The following GDPD4 variants were observed in gnomAD, a reference collection of about 807,000 sequenced individuals.
GDPD4 encodes the protein glycerophosphodiester phosphodiesterase 6.
In GDPD4, 60 loss-of-function variants were observed where a neutral mutation model predicts 67.8. The ratio of observed to expected loss-of-function variants is 0.88; its 90% CI spans 0.72 to 1.10. The LOEUF (loss-of-function observed/expected upper bound fraction) is 1.10, where lower values mean the gene tolerates loss of function less well. Among genes scored for constraint, GDPD4 ranks in the 50% least tolerant of loss-of-function variants. GDPD4 has a pLI of 0.00. For missense variants in GDPD4, 623 were observed against 613.9 expected (o/e 1.01, Z -0.16); for synonymous variants, 212 against 210.9 (o/e 1.00, Z -0.04).
intron 1 of GDPD4, among the ~76,000 whole-genome samples, chr11:77,297,536 A>AG (rs1184700364): frequency 2.0e-5 from 3 of 149,410 alleles, no homozygotes; most frequent in African/African-American, 4.9e-5. Context: ...ACTCCGTCTC[A>AG]GAAAAAAAAA....
At chr11:77,224,939 C>CTT (rs200235129) in intron 16 of GDPD4, among the ~76,000 whole-genome samples, 1 of 143,404 alleles carries the variant, frequency 7.0e-6, no homozygotes. Flanking sequence ...CCATCTCTAC[C>CTT]TTTTTTTTTT....
At chr11:77,256,380 A>G (rs1959004500) in intron 11 of GDPD4, among the ~76,000 whole-genome samples, 1 of 152,240 alleles carries the variant, frequency 6.6e-6, no homozygotes, top group Non-Finnish European at 1.5e-5. Flanking sequence ...CTAGAATATC[A>G]GAGTAATCAC....
intron 3 of GDPD4, among the ~76,000 whole-genome samples, chr11:77,279,770 C>T (rs1256376862): frequency 6.6e-6 from 1 of 151,986 alleles, no homozygotes; most frequent in Non-Finnish European, 1.5e-5. Context: ...TTGGCAGGCT[C>T]CTTGTCCACA....
chr11:77,225,973 A>G (rs779438976), intron 16 of GDPD4, among the ~76,000 whole-genome samples: 1 of 152,062 alleles, frequency 6.6e-6, no homozygotes, highest in Non-Finnish European at 1.5e-5. Flanking sequence ...ATAGCTTTCC[A>G]ATGCCTTTTC....
intron 12 of GDPD4, among the ~76,000 whole-genome samples, chr11:77,244,339 A>G (rs1958737837): frequency 6.6e-6 from 1 of 152,062 alleles, no homozygotes; most frequent in Non-Finnish European, 1.5e-5. Context: ...GCCCTGGGCT[A>G]GTATCTTCTA....
chr11:77,277,565 G>A (rs1219012448), intron 4 of GDPD4, among the ~76,000 whole-genome samples: 1 of 151,240 alleles, frequency 6.6e-6, no homozygotes, highest in Non-Finnish European at 1.5e-5. Context: ...ACCACGCCTG[G>A]CTAATTTTTT....
In GDPD4 at chr11:77,285,075, T is replaced by C; in HGVS notation, c.53+10A>G. On this transcript the variant is annotated intron_variant, in intron 3 of 16. Transcript: ENST00000315938. ...CTTACACAAATGAAACTACAAAAAG[T>C]GAAACTCACCAGTCAAAGTTAAAGT... The C allele has an allele frequency of 1.9e-6, 3 of 1,600,930 alleles. No individual in the cohort carries two copies. The highest frequency in any genetic ancestry group is 3.3e-4 in the Middle Eastern group (2 of 6,040).
intron 10 of GDPD4, among the ~76,000 whole-genome samples, chr11:77,267,105 C>A (rs1959181587): frequency 6.6e-6 from 1 of 152,106 alleles, no homozygotes; most frequent in Non-Finnish European, 1.5e-5. Context: ...GTTATTTTTA[C>A]CGTACTTTTC....
intron 2 of GDPD4, 155 bp downstream of exon 2, chr11:77,287,063 C>A (rs1960023619): frequency 6.6e-6 from 1 of 152,222 alleles, no homozygotes; most frequent in South Asian, 2.1e-4. Flanking sequence ...GTACATGTTT[C>A]AGTAAGTTTA....
chr11:77,274,662 T>C (rs1204525482), intron 5 of GDPD4, among the ~76,000 whole-genome samples: 1 of 152,222 alleles, frequency 6.6e-6, no homozygotes, highest in Non-Finnish European at 1.5e-5. Flanking sequence ...CCTCTTTTCT[T>C]TATAAATTAC....
chr11:77,290,145 C>T (rs1937725394), intron 1 of GDPD4, among the ~76,000 whole-genome samples: 1 of 152,140 alleles, frequency 6.6e-6, no homozygotes, highest in South Asian at 2.1e-4. Context: ...ATTCCAAAAA[C>T]AGCAAGAGAA....
At chr11:77,289,802 A>G (rs1179755749) in intron 1 of GDPD4, among the ~76,000 whole-genome samples, 2 of 105,760 alleles carry the variant, frequency 1.9e-5, no homozygotes, top group African/African-American at 3.4e-5. Context: ...AGAGAGAGAG[A>G]AGGAGGGAGG....
intron 5 of GDPD4, among the ~76,000 whole-genome samples, chr11:77,273,132 A>T (rs1221000534): frequency 6.6e-6 from 1 of 152,194 alleles, no homozygotes; most frequent in East Asian, 1.9e-4. Flanking sequence ...TGTGTTTACC[A>T]GGAGGTCAGG....
At chr11:77,269,761 G>C (rs957534198) in intron 8 of GDPD4, 122 bp downstream of exon 8, 8 of 603,662 alleles carry the variant, frequency 1.3e-5, no homozygotes, top group Non-Finnish European at 2.4e-5. Flanking sequence ...CACAATGCCT[G>C]CGATAACCAG....
chr11:77,255,019 C>T (rs563414553), intron 11 of GDPD4, among the ~76,000 whole-genome samples: 3 of 152,214 alleles, frequency 2.0e-5, no homozygotes, highest in South Asian at 2.1e-4. Flanking sequence ...GAAAGCTCCA[C>T]GATCAAACCT....
At chr11:77,235,009 G>GTTTTTTTGTTTTT (rs1958525203) in intron 13 of GDPD4, among the ~76,000 whole-genome samples, 1 of 52,254 alleles carries the variant, frequency 1.9e-5, no homozygotes, top group Non-Finnish European at 3.7e-5. Context: ...GTCAATATCT[G>GTTTTTTTGTTTTT]TTTTTTTTTT....
At position 77,243,816 on chromosome 11, in the gene GDPD4, G is replaced by A. The variant is rs139949435; in HGVS notation, c.1119C>T (p.Tyr373=). The change falls in exon 13 of 17, where the codon TAC becomes TAT. Residue 373 remains tyrosine, a synonymous_variant. Transcript: ENST00000315938. The stretch of plus-strand genomic sequence containing the variant: ...GAAAACCAGGAGCCACGGACCTGAC[G>A]TATTGCCTATCATGAGCTGGCAACC... The part of the protein sequence containing the change: ...IFWLPAHDRQ[Y]VRSVAPGFQH... The A allele has an allele frequency of 7.6e-5, 123 of 1,613,570 alleles. No individual in the cohort carries two copies. Among genetic ancestry groups the A allele is most frequent in the East Asian group, 4.9e-4 (22 of 44,890 alleles).
At chr11:77,233,318 C>T (rs1317397459) in intron 13 of GDPD4, 146 bp from the exon 14 acceptor site, 19 of 688,492 alleles carry the variant, frequency 2.8e-5, no homozygotes, top group Non-Finnish European at 4.5e-5. Context: ...TACGATGTGA[C>T]AGAATGGGCT....
chr11:77,264,160 T>A (rs1959166615), intron 10 of GDPD4, among the ~76,000 whole-genome samples: 1 of 152,200 alleles, frequency 6.6e-6, no homozygotes, highest in Non-Finnish European at 1.5e-5. Flanking sequence ...TTTGCGTAGA[T>A]CTTCTCAGAA....
Sources: gnomAD v4.1 joint callset for allele counts (sites outside exome capture counted in the v4.1 genomes callset) on GRCh38, gnomAD v4.1.1 for gene constraint, MANE v1.5 for transcripts, NCBI Gene and HGNC (gene_info 2026-07-23, HGNC 2026-07-21) for gene names.